Variants in LINGO2 observed in about 807,000 individuals in gnomAD.
LINGO2 encodes leucine-rich repeat and immunoglobulin-like domain-containing nogo receptor-interacting protein 2.
LINGO2 carries 14 observed loss-of-function variants against 30.6 expected under a neutral mutation model. The observed-to-expected ratio is 0.46, with a 90% CI of 0.30 to 0.72. The LOEUF is 0.72. Among genes scored for constraint, LINGO2 ranks in the 30% least tolerant of loss-of-function variants. The pLI, the probability that LINGO2 is intolerant of heterozygous loss-of-function variation, is 0.07. For missense variants in LINGO2, 729 were observed against 751.7 expected, an observed-to-expected ratio of 0.97 and a Z score of 0.35; for synonymous variants, 317 against 288.5, an observed-to-expected ratio of 1.10 and a Z score of -1.00.
the LINGO2 span, among the ~76,000 whole-genome samples, chr9:28,870,413 G>T: frequency 6.6e-6 from 1 of 151,928 alleles, no homozygotes; most frequent in East Asian, 1.9e-4. Context: ...GAAAATTCTT[G>T]TTCAATCTTA....
chr9:28,995,828 T>C, the LINGO2 span, among the ~76,000 whole-genome samples: 6 of 151,198 alleles, frequency 4.0e-5, no homozygotes, highest in African/African-American at 1.5e-4. Context: ...AATGAGAACA[T>C]ATGGACACAG....
chr9:29,109,115 T>C, the LINGO2 span, among the ~76,000 whole-genome samples: 1 of 146,924 alleles, frequency 6.8e-6, no homozygotes, highest in African/African-American at 2.5e-5. Context: ...TATAAGCTTT[T>C]TCCACATATT....
the LINGO2 span, among the ~76,000 whole-genome samples, chr9:29,034,949 G>A: frequency 6.6e-6 from 1 of 151,978 alleles, no homozygotes; most frequent in African/African-American, 2.4e-5. Flanking sequence ...AAGTCAATGT[G>A]AAATAACACA....
At chr9:28,500,725 T>TA (rs1819848922) in intron 1 of LINGO2, among the ~76,000 whole-genome samples, 1 of 151,904 alleles carries the variant, frequency 6.6e-6, no homozygotes, top group African/African-American at 2.4e-5. Context: ...ATTTTTTAAT[T>TA]AAAAAAGATA....
chr9:28,639,262 G>A (rs1296303854), intron 1 of LINGO2, among the ~76,000 whole-genome samples: 1 of 152,110 alleles, frequency 6.6e-6, no homozygotes, highest in East Asian at 1.9e-4. Context: ...TTTTGGAATA[G>A]GTGTGGTGTG....
the LINGO2 span, among the ~76,000 whole-genome samples, chr9:28,932,063 C>T: frequency 2.9e-4 from 44 of 149,438 alleles, no homozygotes; most frequent in Admixed American, 1.4e-3. Context: ...GTCAAGATTG[C>T]GCCATTGCAC....
intron 1 of LINGO2, among the ~76,000 whole-genome samples, chr9:28,579,068 T>TTTG (rs1554640662): frequency 8.6e-5 from 13 of 151,666 alleles, no homozygotes; most frequent in African/African-American, 2.4e-4. Context: ...GCTCTTTTTT[T>TTTG]TTTGTTTCTA....
chr9:28,553,145 G>A (rs1587847663), intron 1 of LINGO2, among the ~76,000 whole-genome samples: 2 of 152,236 alleles, frequency 1.3e-5, no homozygotes, highest in African/African-American at 4.8e-5. Flanking sequence ...AAAGCTGGAT[G>A]GAGAATGACT....
At chr9:28,795,466 G>A in the LINGO2 span, among the ~76,000 whole-genome samples, 1 of 151,882 alleles carries the variant, frequency 6.6e-6, no homozygotes, top group African/African-American at 2.4e-5. Context: ...CCTGAAGGGG[G>A]GAAATATAAC....
chr9:28,441,371 A>G (rs1461127535), intron 2 of LINGO2, among the ~76,000 whole-genome samples: 1 of 146,242 alleles, frequency 6.8e-6, no homozygotes, highest in Non-Finnish European at 1.5e-5. Flanking sequence ...TTGTATAAAG[A>G]GAAGTATGAA....
chr9:28,402,769 A>G (rs542431338), intron 2 of LINGO2, among the ~76,000 whole-genome samples: 8 of 152,040 alleles, frequency 5.3e-5, no homozygotes, highest in Non-Finnish European at 8.8e-5. Context: ...ATCCCAGGCT[A>G]TCTTTCCCAT....
the LINGO2 span, among the ~76,000 whole-genome samples, chr9:29,102,641 G>C: frequency 0.029 from 4,383 of 152,212 alleles, 198 homozygotes; most frequent in African/African-American, 0.099. Context: ...TTTTGTGCAT[G>C]TGTGTGTTCC....
chr9:28,677,485 A>T, the LINGO2 span, among the ~76,000 whole-genome samples: 1 of 152,252 alleles, frequency 6.6e-6, no homozygotes, highest in South Asian at 2.1e-4. Context: ...TTGTTGCGTG[A>T]CTGATGGATA....
chr9:28,939,259 G>T, the LINGO2 span, among the ~76,000 whole-genome samples: 4 of 152,096 alleles, frequency 2.6e-5, no homozygotes, highest in Admixed American at 6.6e-5. Context: ...CCTCTGCTAG[G>T]ACCTCCCTCA....
At chr9:28,210,685 A>C (rs2133857047) in intron 4 of LINGO2, among the ~76,000 whole-genome samples, 1 of 151,780 alleles carries the variant, frequency 6.6e-6, no homozygotes, top group Non-Finnish European at 1.5e-5. Context: ...GAGAAGAGAG[A>C]AGAAAGCCAC....
At chr9:28,589,037 C>G (rs148128810) in intron 1 of LINGO2, among the ~76,000 whole-genome samples, 1 of 152,004 alleles carries the variant, frequency 6.6e-6, no homozygotes, top group Non-Finnish European at 1.5e-5. Flanking sequence ...TAAACAGAAC[C>G]GAAGACAAAA....
chr9:28,038,186 T>A (rs1032858537), intron 4 of LINGO2, among the ~76,000 whole-genome samples: 2 of 152,090 alleles, frequency 1.3e-5, no homozygotes, highest in Non-Finnish European at 2.9e-5. Context: ...ACATTTGTAA[T>A]GGATTTAATT....
intron 1 of LINGO2, among the ~76,000 whole-genome samples, chr9:28,581,113 G>T (rs529337587): frequency 6.6e-6 from 1 of 152,034 alleles, no homozygotes; most frequent in East Asian, 1.9e-4. Flanking sequence ...AGAAATTCAG[G>T]CTGTTGACAT....
At position 28,243,189 on chromosome 9, in the gene LINGO2, AGCTCAC is replaced by A. The variant is rs534979313; in HGVS notation, c.-87+52013_-87+52018del. 7.0e-3 allele frequency among the ~76,000 whole-genome samples: 1,066 copies of A among 152,202 alleles called. 16 individuals are homozygous for A. The highest frequency in any genetic ancestry group is 0.031 in the South Asian group (150 of 4,822). ...AGACACGGACTAGGCTGGGTGTGGT[AGCTCAC>A]GCCTGTAATCCTAGCACTTTGGGAG... On this transcript the variant is annotated intron_variant, in intron 4 of 5. Transcript: ENST00000379992.
Sources: gnomAD v4.1 joint callset for allele counts (sites outside exome capture counted in the v4.1 genomes callset) on GRCh38, gnomAD v4.1.1 for gene constraint, MANE v1.5 for transcripts, NCBI Gene and HGNC (gene_info 2026-07-23, HGNC 2026-07-21) for gene names.